THBS3: variants seen among roughly 807,000 people sequenced by gnomAD.
THBS3 encodes the protein thrombospondin-3.
Under a neutral mutation model 118.3 loss-of-function variants are expected in THBS3, and 78 were observed. That is an observed-to-expected ratio of 0.66 (90% CI 0.55 to 0.80). THBS3 has a LOEUF of 0.80. THBS3 is among the 30% of genes least tolerant of loss of function. The pLI is 0.00. For synonymous variants in THBS3, 427 were observed against 475.3 expected (o/e 0.90, Z 1.32); for missense variants, 1,057 against 1,247.4 (o/e 0.85, Z 2.30).
chr1:155,209,124 T>A (rs1407469656), upstream of THBS3: 1 of 1,541,690 alleles, frequency 6.5e-7, no homozygotes, highest in Admixed American at 2.0e-5. Flanking sequence ...AGAAGAAGCC[T>A]CGCCTCCCCG....
chr1:155,205,031 A>AG (rs761184839), intron 3 of THBS3, 29 bp downstream of exon 3: 1 of 1,613,004 alleles, frequency 6.2e-7, no homozygotes, highest in Non-Finnish European at 8.5e-7. Context: ...CTCTATTTCC[A>AG]CAGAACTCAG....
intron 5 of THBS3, 85 bp from the exon 6 acceptor site, chr1:155,203,390 G>C: frequency 6.3e-7 from 1 of 1,585,028 alleles, no homozygotes; most frequent in Non-Finnish European, 8.6e-7. Context: ...ACCTGCCACG[G>C]CTGCCCACCC....
At position 155,196,029 on chromosome 1, in the gene THBS3, G is replaced by T. The variant is rs1487896187; in HGVS notation, c.2770C>A (p.Gln924Lys). ...AGATTGGACCAAATTATGTTTTCTTGGGAGAAGCAGAATACACCAAGACGC... is the reference window on the plus strand; with the variant it reads ...AGATTGGACCAAATTATGTTTTCTTTGGAGAAGCAGAATACACCAAGACGC... ...GGRLGVFCFS[Q>K]ENIIWSNLQY... The change falls in exon 22 of 23, where the codon CAA becomes AAA. Residue 924 changes from glutamine (Q) to lysine (K), a missense_variant. Transcript: ENST00000368378. 6.2e-7 allele frequency: 1 copy of T among 1,614,152 alleles called. No individual in the cohort carries two copies. Among genetic ancestry groups the T allele is most frequent in the South Asian group, 1.1e-5 (1 of 91,082 alleles).
At position 155,206,430 on chromosome 1, in the gene THBS3, G is replaced by A. The variant is rs918677383; in HGVS notation, c.80-24C>T. Reference sequence around the variant, plus strand: ...TACTGGTCAGGCAGGGGTTATCAAGGTTAGAGAATGGGATCAAATGCTAAG... The same window carrying A: ...TACTGGTCAGGCAGGGGTTATCAAGATTAGAGAATGGGATCAAATGCTAAG... On this transcript the variant is annotated intron_variant, in intron 1 of 22. Coordinates refer to ENST00000368378, the MANE Select transcript of THBS3 (RefSeq NM_007112.5). The surrounding 1 kb of genome is among the most constrained non-coding windows in gnomAD (Gnocchi z 4.2). The A allele has an allele frequency of 6.2e-7, 1 of 1,608,980 alleles. No homozygotes were observed. Among genetic ancestry groups the A allele is most frequent in the African/African-American group, 1.3e-5 (1 of 74,792 alleles).
At chr1:155,208,966 C>A (rs753515109), upstream of THBS3, 2 of 1,607,958 alleles carry the variant, frequency 1.2e-6, no homozygotes, top group African/African-American at 1.3e-5. Flanking sequence ...GGGTTCGGGG[C>A]TCCACTTGGA....
At chr1:155,207,684 G>A in intron 1 of THBS3, 114 bp downstream of exon 1, 2 of 1,133,444 alleles carry the variant, frequency 1.8e-6, no homozygotes, top group South Asian at 2.8e-5. Context: ...TTTTCCTCTG[G>A]CTCAATTTCT....
intron 4 of THBS3, 79 bp downstream of exon 4, chr1:155,204,776 G>A (rs778759044): frequency 4.7e-5 from 60 of 1,286,536 alleles, no homozygotes; most frequent in Non-Finnish European, 6.5e-5. Context: ...TTTTAAGGGA[G>A]AGGGAGATCA....
upstream of THBS3, chr1:155,209,014 A>G: frequency 6.3e-7 from 1 of 1,586,784 alleles, no homozygotes; most frequent in Non-Finnish European, 8.6e-7. Flanking sequence ...CCGGGCCGAC[A>G]GCGCTGTCCC....
chr1:155,206,180 A>G lies in THBS3; in HGVS notation c.286+20T>C. On this transcript the variant is annotated intron_variant, in intron 2 of 22. Transcript: ENST00000368378. This position sits in a 1 kb window ranked among gnomAD's most constrained non-coding sequence, Gnocchi z 4.2. Reference sequence around the variant, plus strand: ...CTTAAGGAGGTCACCATTGCAAGAAAGGAGATGCCCACCAGTCACCTTTGT... The same window carrying G: ...CTTAAGGAGGTCACCATTGCAAGAAGGGAGATGCCCACCAGTCACCTTTGT... 6.2e-7 allele frequency: 1 copy of G among 1,612,706 alleles called. No individual in the cohort carries two copies. Among genetic ancestry groups the G allele is most frequent in the Non-Finnish European group, 8.5e-7 (1 of 1,179,552 alleles).
rs181179678 is a variant in THBS3, at chr1:155,205,367, C to T, written c.287-51G>A. 171 of 1,589,022 alleles carry T rather than the reference C, an allele frequency of 1.1e-4. No homozygotes were observed. In the African/African-American group the frequency reaches 2.0e-3, roughly 18 times the overall value. On this transcript the variant is annotated intron_variant, in intron 2 of 22. Transcript: ENST00000368378. ...GGCGCTATCCCCCACCCCCTGCCTCCCAGCTGAGCCTTGGATCAACTCTGC... is the reference window on the plus strand; with the variant it reads ...GGCGCTATCCCCCACCCCCTGCCTCTCAGCTGAGCCTTGGATCAACTCTGC...
chr1:155,209,167 C>T, upstream of THBS3: 1 of 1,493,006 alleles, frequency 6.7e-7, no homozygotes, highest in Non-Finnish European at 8.9e-7. Context: ...CCGCAACGAT[C>T]GGAGGGGCGG....
rs1187837154 is a variant in THBS3 at position 155,204,842 on chromosome 1, GTC to G, written c.646+11_646+12del. The G allele has an allele frequency of 1.2e-6, 2 of 1,612,254 alleles. No homozygotes were observed. The highest frequency in any genetic ancestry group is 1.3e-5 in the African/African-American group (1 of 75,006). Reference sequence around the variant, plus strand: ...TCCGTGGTCCAATGTCAGCAAACAAGTCTCTGTGTTACCTGCACTGTGGATGG... The same window carrying G: ...TCCGTGGTCCAATGTCAGCAAACAAGTCTGTGTTACCTGCACTGTGGATGG... On this transcript the variant is annotated intron_variant, in intron 4 of 22. Transcript: ENST00000368378.
chr1:155,197,359 T>A lies in THBS3; in HGVS notation c.2499+104A>T. The A allele has an allele frequency of 6.6e-7, 1 of 1,524,658 alleles. No homozygotes were observed. The highest frequency in any genetic ancestry group is 8.9e-7 in the Non-Finnish European group (1 of 1,122,684). The allele number at this position is 1,524,658 out of a possible 1,614,324, so 94.4% of individuals were successfully genotyped here. A position where few individuals can be genotyped will look rare whatever the true frequency, so the allele number is the denominator to read the frequency against. On this transcript the variant is annotated intron_variant, in intron 20 of 22. Transcript: ENST00000368378. The surrounding 1 kb of genome is among the most constrained non-coding windows in gnomAD (Gnocchi z 5.0). ...AGAGAGCCGGCCTCCAAGCCAGATG[T>A]CTGGGTAAGAGGGTTCCCAGTCAAG... is the stretch of plus-strand genomic sequence containing the variant.
chr1:155,201,924 C>G, intron 10 of THBS3, 33 bp downstream of exon 10: 1 of 1,613,232 alleles, frequency 6.2e-7, no homozygotes, highest in Non-Finnish European at 8.5e-7. Context: ...CCATTCCCAC[C>G]ACCCCAGAAT....
At chr1:155,208,579 C>T (rs1284325981), upstream of THBS3, 3 of 520,314 alleles carry the variant, frequency 5.8e-6, no homozygotes, top group Non-Finnish European at 1.0e-5. Flanking sequence ...GAGCCAAGGA[C>T]CAGACTGTGG....
chr1:155,205,091 C>T lies in THBS3; in HGVS notation c.512G>A (p.Arg171Lys). 1 of 1,614,000 alleles carries T rather than the reference C, an allele frequency of 6.2e-7. No individual in the cohort carries two copies. Among genetic ancestry groups the T allele is most frequent in the Non-Finnish European group, 8.5e-7 (1 of 1,179,958 alleles). ...PPAEVDGLEIRTGQKAYLRMQ... is the reference protein window; with the variant it reads ...PPAEVDGLEIKTGQKAYLRMQ... ...CCTCAAATACGCCTTCTGTCCAGTC[C>T]TAATCTCCAGCCCATCGACCTCCGC... is the stretch of plus-strand genomic sequence containing the variant. The change falls in exon 3 of 23, where the codon AGG becomes AAG. Residue 171 changes from arginine to lysine, a missense_variant. By Grantham distance (26) the Arg-to-Lys change is conservative. Coordinates refer to ENST00000368378, the MANE Select transcript of THBS3 (RefSeq NM_007112.5).
Position 155,206,105 on chromosome 1 carries a change from A to G in THBS3, c.286+95T>C, listed in dbSNP as rs1349082496. ...CTGATGGGACCTTGGTCCCTAGTGGAGGCCAAGGAGAATGAGGAAGCACTT... is the reference window on the plus strand; with the variant it reads ...CTGATGGGACCTTGGTCCCTAGTGGGGGCCAAGGAGAATGAGGAAGCACTT... On this transcript the variant is annotated intron_variant, in intron 2 of 22. Coordinates refer to ENST00000368378, the MANE Select transcript of THBS3 (RefSeq NM_007112.5). This position sits in a 1 kb window ranked among gnomAD's most constrained non-coding sequence, Gnocchi z 4.2. The G allele has an allele frequency of 9.8e-6, 14 of 1,424,560 alleles. No homozygotes were observed. The Admixed American group carries it at 2.1e-4, about 22-fold the overall frequency. 88.2% of individuals were successfully genotyped at this position (1,424,560 alleles called of 1,614,324 possible). A position where few individuals can be genotyped will look rare whatever the true frequency, so the allele number is the denominator to read the frequency against.
At chr1:155,203,164 A>C in intron 6 of THBS3, 27 bp from the exon 7 acceptor site, 1 of 1,614,184 alleles carries the variant, frequency 6.2e-7, no homozygotes, top group African/African-American at 1.3e-5. Context: ...AGGAGTCAGC[A>C]CTTGACATCT....
At chr1:155,201,681 A>T (rs1172686977) in intron 10 of THBS3, 112 bp from the exon 11 acceptor site, 25 of 1,221,788 alleles carry the variant, frequency 2.0e-5, no homozygotes, top group Non-Finnish European at 2.9e-5. Flanking sequence ...TGCCAGGCAT[A>T]TCAGTATCTC....
Sources: allele counts gnomAD v4.1 joint callset, GRCh38; gene constraint gnomAD v4.1.1; non-coding constraint Gnocchi (gnomAD v3.1); transcripts MANE v1.5; gene names NCBI Gene and HGNC (gene_info 2026-07-23, HGNC 2026-07-21).